The following KIF15 variants were observed in gnomAD, a reference collection of about 807,000 sequenced individuals.
The protein encoded by KIF15 is kinesin family member 15.
Under a neutral mutation model 190.6 loss-of-function variants are expected in KIF15, and 140 were observed. That is an observed-to-expected ratio of 0.73 (90% CI 0.64 to 0.84). The LOEUF (loss-of-function observed/expected upper bound fraction) is 0.84, where lower values mean the gene tolerates loss of function less well. KIF15 is among the 40% of genes least tolerant of loss of function. KIF15 has a pLI of 0.00. For synonymous variants in KIF15, 528 were observed against 551.3 expected (o/e 0.96, Z 0.59); for missense variants, 1,372 against 1,584.4 (o/e 0.87, Z 2.28).
At chr3:44,822,079 G>C (rs762602857) in intron 20 of KIF15, among the ~76,000 whole-genome samples, 10 of 152,220 alleles carry the variant, frequency 6.6e-5, no homozygotes, top group Admixed American at 2.0e-4. Flanking sequence ...CAGCAGTACC[G>C]ATGCAGTTTC....
chr3:44,817,786 T>C (rs1307025924), intron 20 of KIF15, among the ~76,000 whole-genome samples: 1 of 152,222 alleles, frequency 6.6e-6, no homozygotes, highest in Non-Finnish European at 1.5e-5. Flanking sequence ...AGAAAGTCAT[T>C]GATAGCTTGA....
In KIF15 at chr3:44,827,608, A is replaced by T. The variant is rs1697740785; in HGVS notation, c.2856+80A>T. On this transcript the variant is annotated intron_variant, in intron 23 of 34. Coordinates refer to ENST00000326047, the MANE Select transcript of KIF15 (RefSeq NM_020242.3). The stretch of plus-strand genomic sequence containing the variant: ...GATACCTAAAAGGCTTATTATAATG[A>T]TTTCAGCTTGCAGATGTTGGAAATT... 2.1e-5 allele frequency: 16 copies of T among 778,032 alleles called. No homozygotes were observed. In the South Asian group the frequency reaches 3.1e-4, roughly 15 times the overall value. The allele number at this position is 778,032 out of a possible 1,614,324, so 48.2% of individuals were successfully genotyped here.
downstream of KIF15, among the ~76,000 whole-genome samples, chr3:44,853,743 G>A (rs376237262): frequency 6.6e-6 from 1 of 152,076 alleles, no homozygotes; most frequent in South Asian, 2.1e-4. Flanking sequence ...AGCCATCCTA[G>A]GTGTGTAGTT....
intron 6 of KIF15, among the ~76,000 whole-genome samples, chr3:44,859,382 G>A (rs959642925): frequency 6.6e-6 from 1 of 152,160 alleles, no homozygotes; most frequent in Non-Finnish European, 1.5e-5. Flanking sequence ...TGGAGCTGGC[G>A]GCTTGGGTGC....
intron 20 of KIF15, among the ~76,000 whole-genome samples, chr3:44,825,575 T>C (rs1336005635): frequency 6.6e-6 from 1 of 152,228 alleles, no homozygotes; most frequent in Non-Finnish European, 1.5e-5. Flanking sequence ...TTTTCTTTCT[T>C]GCTCAAATCA....
chr3:44,837,581 T>C (rs1346311872), intron 26 of KIF15, among the ~76,000 whole-genome samples: 1 of 152,150 alleles, frequency 6.6e-6, no homozygotes, highest in East Asian at 1.9e-4. Flanking sequence ...CATGTATATG[T>C]ACATGTCTAT....
At chr3:44,832,950 C>A (rs1173559407) in intron 26 of KIF15, among the ~76,000 whole-genome samples, 1 of 143,906 alleles carries the variant, frequency 6.9e-6, no homozygotes, top group African/African-American at 2.6e-5. Flanking sequence ...GCAGAGGTTG[C>A]AGCAAGCTGA....
chr3:44,802,065 TGGAA>T, intron 13 of KIF15, 91 bp downstream of exon 13: 3 of 854,448 alleles, frequency 3.5e-6, no homozygotes, highest in Non-Finnish European at 3.6e-6. Flanking sequence ...TTTAATACAA[TGGAA>T]ATTGTTTTAA....
chr3:44,786,939 A>G (rs1465415210), intron 7 of KIF15, among the ~76,000 whole-genome samples: 1 of 152,162 alleles, frequency 6.6e-6, no homozygotes, highest in East Asian at 1.9e-4. Context: ...TAGGTGTCAA[A>G]AGCTAACTTA....
At chr3:44,799,403 A>AAGACCTTGG in intron 10 of KIF15, 1 of 454,732 alleles carries the variant, frequency 2.2e-6, no homozygotes, top group South Asian at 1.6e-5. Flanking sequence ...GAGAATACAG[A>AAGACCTTGG]AGACCTTGGG....
chr3:44,813,057 T>A lies in KIF15; in HGVS notation c.2278-18T>A. On this transcript the variant is annotated intron_variant, in intron 18 of 34. Transcript: ENST00000326047. ...TGCCAGTATTCCTTTTCCAGTAAAT[T>A]TATCTTTTTTCCCAAAGCTTTTCTC... 7 of 1,471,844 alleles carry A rather than the reference T, an allele frequency of 4.8e-6. No individual in the cohort carries two copies. Among genetic ancestry groups the A allele is most frequent in the Non-Finnish European group, 6.5e-6 (7 of 1,076,548 alleles). The allele number at this position is 1,471,844 out of a possible 1,614,324, so 91.2% of individuals were successfully genotyped here.
chr3:44,841,841 C>T (rs1460215669), intron 29 of KIF15, among the ~76,000 whole-genome samples: 1 of 152,220 alleles, frequency 6.6e-6, no homozygotes, highest in Non-Finnish European at 1.5e-5. Context: ...CTGGAGGCTT[C>T]CAGGGTAGCC....
intron 1 of KIF15, among the ~76,000 whole-genome samples, chr3:44,767,937 C>T (rs1220596117): frequency 5.5e-5 from 8 of 146,432 alleles, no homozygotes; most frequent in Non-Finnish European, 1.2e-4. Context: ...CTCAGGACAG[C>T]AGTCCAGGAA....
intron 7 of KIF15, 48 bp downstream of exon 7, chr3:44,786,622 G>A (rs1419060482): frequency 6.8e-7 from 1 of 1,474,750 alleles, no homozygotes; most frequent in African/African-American, 1.4e-5. Context: ...CAAACCTGCT[G>A]TGAATGCACC....
chr3:44,797,456 A>T (rs1392605442), intron 8 of KIF15, 95 bp from the exon 9 acceptor site: 46 of 1,315,972 alleles, frequency 3.5e-5, no homozygotes, highest in Non-Finnish European at 4.4e-5. Context: ...TTGCCTTTTC[A>T]TCCAGAATTT....
intron 6 of KIF15, among the ~76,000 whole-genome samples, chr3:44,859,652 C>T (rs1699219557): frequency 6.6e-6 from 1 of 152,116 alleles, no homozygotes; most frequent in African/African-American, 2.4e-5. Context: ...GAGCAGGACC[C>T]TGTCTCAAAA....
chr3:44,827,404 A>G, intron 22 of KIF15, 55 bp from the exon 23 acceptor site: 1 of 1,233,734 alleles, frequency 8.1e-7, no homozygotes, highest in Non-Finnish European at 1.2e-6. Context: ...TAACAGATTC[A>G]GTTCCTGTTT....
At chr3:44,801,213 G>GC (rs1020369328) in intron 11 of KIF15, among the ~76,000 whole-genome samples, 12 of 131,312 alleles carry the variant, frequency 9.1e-5, no homozygotes, top group Non-Finnish European at 1.8e-4. Context: ...GGCGGCGGGA[G>GC]GGGGGGGTCT....
At chr3:44,797,495 A>G in intron 8 of KIF15, 56 bp from the exon 9 acceptor site, 1 of 1,576,424 alleles carries the variant, frequency 6.3e-7, no homozygotes, top group Non-Finnish European at 8.6e-7. Flanking sequence ...TTCATTCAAA[A>G]TACCAAAGAG....
Sources: gnomAD v4.1 joint callset for allele counts (sites outside exome capture counted in the v4.1 genomes callset) on GRCh38, gnomAD v4.1.1 for gene constraint, MANE v1.5 for transcripts, NCBI Gene and HGNC (gene_info 2026-07-23, HGNC 2026-07-21) for gene names.